XXYLT1: variants seen among roughly 807,000 people sequenced by gnomAD.
XXYLT1 encodes UDP-xylose:alpha-xyloside alpha-1,3-xylosyltransferase.
In XXYLT1, 20 loss-of-function variants were observed where a neutral mutation model predicts 28.9. That is an observed-to-expected ratio of 0.69 (90% CI 0.49 to 1.00). The LOEUF (loss-of-function observed/expected upper bound fraction) is 1.00, where lower values mean the gene tolerates loss of function less well. Among genes scored for constraint, XXYLT1 ranks in the 50% least tolerant of loss-of-function variants. XXYLT1 has a pLI of 0.00. For missense variants in XXYLT1, 542 were observed against 560.1 expected (o/e 0.97, Z 0.33); for synonymous variants, 257 against 253.8 (o/e 1.01, Z -0.12).
chr3:195,148,889 A>T (rs572645825), intron 3 of XXYLT1, among the ~76,000 whole-genome samples: 1 of 152,330 alleles, frequency 6.6e-6, no homozygotes, highest in East Asian at 1.9e-4. Context: ...TTACAGACGA[A>T]ATGCTGTGAC....
intron 3 of XXYLT1, chr3:195,122,244 G>T: frequency 1.4e-6 from 1 of 693,020 alleles, no homozygotes; most frequent in South Asian, 1.5e-5. Flanking sequence ...ATCACACTGG[G>T]GGTTAGGATT....
chr3:195,118,825 C>T (rs915799894), intron 3 of XXYLT1, among the ~76,000 whole-genome samples: 32 of 152,144 alleles, frequency 2.1e-4, no homozygotes, highest in African/African-American at 7.0e-4. Context: ...TCAGAATTCC[C>T]GAAGGAGGTG....
intron 2 of XXYLT1, among the ~76,000 whole-genome samples, chr3:195,193,439 A>G (rs1722504122): frequency 6.6e-6 from 1 of 152,348 alleles, no homozygotes; most frequent in South Asian, 2.1e-4. Context: ...ATGTTCATGC[A>G]TTGGAAGCCT....
chr3:195,235,197 C>G (rs1489322971), intron 1 of XXYLT1, among the ~76,000 whole-genome samples: 1 of 152,048 alleles, frequency 6.6e-6, no homozygotes, highest in Non-Finnish European at 1.5e-5. Context: ...CCTCTGCCTC[C>G]CAGGCTCAAG....
At chr3:195,125,824 G>A (rs533836388) in intron 3 of XXYLT1, among the ~76,000 whole-genome samples, 1 of 152,340 alleles carries the variant, frequency 6.6e-6, no homozygotes, top group East Asian at 1.9e-4. Flanking sequence ...AGACCTGCGT[G>A]AGGACAGTCC....
rs375174546 is a variant in XXYLT1 at position 195,099,103 on chromosome 3, AG to A, written c.786-28993del. ...CGGTGTAATTAACGTGGAATGTACC[AG>A]GGGAACCGAGGACATGGCAGACAGA... On this transcript the variant is annotated intron_variant, in intron 3 of 3. Transcript: ENST00000310380. Among the ~76,000 whole-genome samples the A allele has an allele frequency of 1.1e-3, 166 of 151,106 alleles. 1 individual carries two copies. Among genetic ancestry groups the A allele is most frequent in the African/African-American group, 3.8e-3 (158 of 41,440 alleles).
chr3:195,215,145 C>G (rs1405826321), intron 2 of XXYLT1, among the ~76,000 whole-genome samples: 1 of 151,372 alleles, frequency 6.6e-6, no homozygotes, highest in Non-Finnish European at 1.5e-5. Context: ...ACCACCAGGC[C>G]TGCCCTAAAA....
chr3:195,076,323 C>T lies in XXYLT1; in HGVS notation c.786-6212G>A, dbSNP rs961245883. Among the ~76,000 whole-genome samples the T allele has an allele frequency of 3.3e-5, 5 of 152,060 alleles. No homozygotes were observed. The highest frequency in any genetic ancestry group is 1.2e-4 in the African/African-American group (5 of 41,348). On this transcript the variant is annotated intron_variant, in intron 3 of 3. Transcript: ENST00000310380. This position sits in a 1 kb window ranked among gnomAD's most constrained non-coding sequence, Gnocchi z 5.3. ...CCCGTTCCAGAGAGGAAGAAGCCCG[C>T]ACGGGGTCACGGGGCCGACTGCGGC...
intron 1 of XXYLT1, among the ~76,000 whole-genome samples, chr3:195,247,012 T>C (rs1411969481): frequency 6.6e-6 from 1 of 152,228 alleles, no homozygotes; most frequent in African/African-American, 2.4e-5. Context: ...CTGAGTGAAC[T>C]TTTTTGAAAT....
At position 195,110,908 on chromosome 3, in the gene XXYLT1, GT is replaced by G. The variant is rs1408304230; in HGVS notation, c.786-40798del. On this transcript the variant is annotated intron_variant, in intron 3 of 3. Transcript: ENST00000310380. ...GTGTGCGTGTGTGTGGGTGAGGTGT[GT>G]GGTGTGTGTGTGTGGTGTGTGTGAG... 3.0e-4 allele frequency among the ~76,000 whole-genome samples: 12 copies of G among 40,660 alleles called. 1 individual carries two copies. Among genetic ancestry groups the G allele is most frequent in the Non-Finnish European group, 6.1e-4 (11 of 18,176 alleles). 26.7% of individuals were successfully genotyped at this position (40,660 alleles called of 152,430 possible).
At position 195,256,654 on chromosome 3, in the gene XXYLT1, C is replaced by T. The variant is rs1180122613; in HGVS notation, c.504+13901G>A. 1.1e-6 allele frequency: 1 copy of T among 872,908 alleles called. No individual in the cohort carries two copies. Among genetic ancestry groups the T allele is most frequent in the East Asian group, 1.2e-4 (1 of 8,308 alleles). 54.1% of individuals were successfully genotyped at this position (872,908 alleles called of 1,614,324 possible). On this transcript the variant is annotated intron_variant, in intron 1 of 3. Transcript: ENST00000310380. The surrounding 1 kb of genome is among the most constrained non-coding windows in gnomAD (Gnocchi z 4.2). ...CTGTTTATACACGCCTGGAAGAGAA[C>T]AGACTGTTACTCAGAGCCGGAGCGT...
At chr3:195,099,250 C>T (rs934619392) in intron 3 of XXYLT1, among the ~76,000 whole-genome samples, 1 of 152,222 alleles carries the variant, frequency 6.6e-6, no homozygotes, top group African/African-American at 2.4e-5. Flanking sequence ...CAGCTTCACA[C>T]ATACGAGGTT....
chr3:195,107,613 AGGAGGAGGGGGAGGAGGAGGGGGAGG>A (rs1717211555), intron 3 of XXYLT1, among the ~76,000 whole-genome samples: 3 of 19,436 alleles, frequency 1.5e-4, no homozygotes, highest in African/African-American at 4.2e-4. Flanking sequence ...GAGGAAGGGG[AGGAGGAGGGGGAGGAGGAGGGGGAGG>A]AGGAGGAGGA....
intron 2 of XXYLT1, among the ~76,000 whole-genome samples, chr3:195,169,521 G>C (rs1394642110): frequency 6.6e-6 from 1 of 152,210 alleles, no homozygotes; most frequent in Admixed American, 6.5e-5. Flanking sequence ...GTGGGACACA[G>C]ATATAGATGG....
In XXYLT1 at chr3:195,161,029, G is replaced by A. The variant is rs62285230; in HGVS notation, c.653-4448C>T. On this transcript the variant is annotated intron_variant, in intron 2 of 3. Coordinates refer to ENST00000310380, the MANE Select transcript of XXYLT1 (RefSeq NM_152531.5). ...ACGGGGAGCTTGCCAAGGGTCCTGCGCCTTGGCCACAGATTCTAGGGGCTC... is the reference window on the plus strand; with the variant it reads ...ACGGGGAGCTTGCCAAGGGTCCTGCACCTTGGCCACAGATTCTAGGGGCTC... Among the ~76,000 whole-genome samples, 683 of 152,310 alleles carry A rather than the reference G, an allele frequency of 4.5e-3. 2 individuals are homozygous for A. The highest frequency in any genetic ancestry group is 6.4e-3 in the Non-Finnish European group (438 of 68,016).
intron 3 of XXYLT1, chr3:195,152,608 A>G (rs1720339080): frequency 6.6e-6 from 1 of 152,220 alleles, no homozygotes; most frequent in Non-Finnish European, 1.5e-5. Context: ...CTGTGAAACA[A>G]TGTGAAAAAA....
chr3:195,104,199 G>A (rs12152454), intron 3 of XXYLT1, among the ~76,000 whole-genome samples: 28 of 1,356 alleles, frequency 0.021, no homozygotes, highest in Admixed American at 0.035. Context: ...TGAGGGCTCC[G>A]TGTGTGTGTG....
At chr3:195,254,287 C>T (rs1033497060) in intron 1 of XXYLT1, among the ~76,000 whole-genome samples, 11 of 152,216 alleles carry the variant, frequency 7.2e-5, no homozygotes, top group South Asian at 4.1e-4. Context: ...AGAAACAACA[C>T]GCCCCTCACC....
intron 3 of XXYLT1, chr3:195,095,216 T>G (rs376729389): frequency 6.5e-6 from 1 of 152,770 alleles, no homozygotes; most frequent in African/African-American, 2.4e-5. Context: ...CATGAGGTAA[T>G]GCAGTGTCTG....
Sources: gnomAD v4.1 joint callset for allele counts (sites outside exome capture counted in the v4.1 genomes callset) on GRCh38, gnomAD v4.1.1 for gene constraint, Gnocchi (gnomAD v3.1) non-coding constraint, MANE v1.5 for transcripts, NCBI Gene and HGNC (gene_info 2026-07-23, HGNC 2026-07-21) for gene names.